Variants in HCN1 observed in about 807,000 individuals in gnomAD.
HCN1 encodes potassium/sodium hyperpolarization-activated cyclic nucleotide-gated channel 1.
A neutral mutation model predicts 78.9 loss-of-function variants in HCN1; 13 were observed. The ratio of observed to expected loss-of-function variants is 0.16; its 90% confidence interval spans 0.11 to 0.26. The LOEUF (loss-of-function observed/expected upper bound fraction) is 0.26. Among genes scored for constraint, HCN1 ranks in the 10% least tolerant of loss-of-function variants. The pLI, the probability that HCN1 is intolerant of heterozygous loss-of-function variation, is 1.00. For missense variants in HCN1, 810 were observed against 1,154.3 expected (o/e 0.70, Z 4.32); for synonymous variants, 552 against 455.5 (o/e 1.21, Z -2.70).
chr5:45,571,123 T>G (rs562451207), intron 2 of HCN1, among the ~76,000 whole-genome samples: 1 of 152,246 alleles, frequency 6.6e-6, no homozygotes, highest in African/African-American at 2.4e-5. Flanking sequence ...TCTTTTTGGT[T>G]CCTCTAGCAG....
intron 5 of HCN1, among the ~76,000 whole-genome samples, chr5:45,323,386 A>T (rs935107911): frequency 2.4e-4 from 37 of 151,884 alleles, no homozygotes; most frequent in Admixed American, 1.3e-3. Context: ...AATTTAAATT[A>T]TATAATTCCT....
At chr5:45,610,622 T>A (rs1744814224) in intron 2 of HCN1, among the ~76,000 whole-genome samples, 1 of 150,442 alleles carries the variant, frequency 6.6e-6, no homozygotes, top group Admixed American at 6.6e-5. Flanking sequence ...TGAAATATTT[T>A]TCTTAATTAT....
At chr5:45,600,485 T>C (rs2111963062) in intron 2 of HCN1, among the ~76,000 whole-genome samples, 1 of 152,284 alleles carries the variant, frequency 6.6e-6, no homozygotes, top group South Asian at 2.1e-4. Context: ...CTTCAGAACC[T>C]GTGAAAATAT....
chr5:45,686,191 C>T (rs970549178), intron 1 of HCN1, among the ~76,000 whole-genome samples: 3 of 151,098 alleles, frequency 2.0e-5, no homozygotes, highest in African/African-American at 7.3e-5. Context: ...GATTCTGACC[C>T]AAACAGTTCC....
intron 5 of HCN1, among the ~76,000 whole-genome samples, chr5:45,326,218 A>G (rs997891787): frequency 2.6e-5 from 4 of 151,682 alleles, no homozygotes; most frequent in Non-Finnish European, 4.4e-5. Flanking sequence ...TACACCTACT[A>G]CATACCCACA....
intron 4 of HCN1, among the ~76,000 whole-genome samples, chr5:45,356,286 A>T (rs1052521806): frequency 1.3e-5 from 2 of 151,992 alleles, no homozygotes; most frequent in Non-Finnish European, 2.9e-5. Flanking sequence ...TAAGATCAAA[A>T]GTTTATTCCA....
chr5:45,300,347 C>T (rs969797786), intron 6 of HCN1, among the ~76,000 whole-genome samples: 9 of 151,906 alleles, frequency 5.9e-5, no homozygotes, highest in Non-Finnish European at 1.0e-4. Flanking sequence ...TTTTCTTCTG[C>T]CTCTGCCACC....
intron 1 of HCN1, among the ~76,000 whole-genome samples, chr5:45,674,281 G>T (rs184660135): frequency 1.4e-4 from 21 of 151,456 alleles, no homozygotes; most frequent in Non-Finnish European, 2.7e-4. Flanking sequence ...ACAATTTTAT[G>T]AGGAGAACTT....
intron 4 of HCN1, among the ~76,000 whole-genome samples, chr5:45,357,810 G>A (rs1022674490): frequency 5.3e-5 from 8 of 151,980 alleles, no homozygotes; most frequent in Admixed American, 1.3e-4. Context: ...TTGTAGGTGG[G>A]ACCTATTGGA....
intron 2 of HCN1, among the ~76,000 whole-genome samples, chr5:45,578,610 G>A (rs1265785075): frequency 6.6e-6 from 1 of 151,910 alleles, no homozygotes; most frequent in Admixed American, 6.6e-5. Context: ...ACAGTACGGA[G>A]CATTCACTTT....
rs1392176408 is a variant in HCN1 at position 45,262,260 on chromosome 5, G to A, written c.2334C>T (p.Asn778=). The change falls in exon 8 of 8, where the codon AAC becomes AAT. Residue 778 remains asparagine, a synonymous_variant. Transcript: ENST00000303230. ...AGAGTGGCCTGACTTCCCGGGTCAGGTTGGTGTTGTGAAGCGCCTGCGTGC... is the reference window on the plus strand; with the variant it reads ...AGAGTGGCCTGACTTCCCGGGTCAGATTGGTGTTGTGAAGCGCCTGCGTGC... ...HKSTQALHNT[N]LTREVRPLSA... 6 of 1,614,028 alleles carry A rather than the reference G, an allele frequency of 3.7e-6. No homozygotes were observed. The highest frequency in any genetic ancestry group is 1.7e-6 in the Non-Finnish European group (2 of 1,180,042).
chr5:45,572,104 T>C (rs1421083649), intron 2 of HCN1, among the ~76,000 whole-genome samples: 1 of 152,176 alleles, frequency 6.6e-6, no homozygotes. Context: ...CATTCATTTG[T>C]ACACATTATA....
intron 2 of HCN1, among the ~76,000 whole-genome samples, chr5:45,506,889 A>G (rs1742312837): frequency 6.6e-6 from 1 of 152,188 alleles, no homozygotes; most frequent in Non-Finnish European, 1.5e-5. Context: ...TATAACAAAA[A>G]TGTTATGCAT....
chr5:45,683,254 G>A (rs544496804), intron 1 of HCN1, among the ~76,000 whole-genome samples: 1 of 151,694 alleles, frequency 6.6e-6, no homozygotes, highest in African/African-American at 2.4e-5. Flanking sequence ...CCAAATTAGG[G>A]TATATAGCTT....
intron 2 of HCN1, among the ~76,000 whole-genome samples, chr5:45,507,812 G>A (rs1000665499): frequency 8.5e-5 from 13 of 152,048 alleles, no homozygotes; most frequent in Non-Finnish European, 1.3e-4. Flanking sequence ...AAAATCTGCA[G>A]TAATTCCTTA....
chr5:45,272,377 T>C (rs1260870516), intron 6 of HCN1, among the ~76,000 whole-genome samples: 1 of 152,100 alleles, frequency 6.6e-6, no homozygotes, highest in African/African-American at 2.4e-5. Context: ...TTTATCACTA[T>C]TTCATTTTAT....
At chr5:45,659,467 G>A (rs967728643) in intron 1 of HCN1, among the ~76,000 whole-genome samples, 6 of 108,628 alleles carry the variant, frequency 5.5e-5, no homozygotes, top group Non-Finnish European at 1.1e-4. Context: ...TGATTTTGAC[G>A]AGCTGAGAGA....
intron 4 of HCN1, among the ~76,000 whole-genome samples, chr5:45,370,195 CTT>C (rs1407712909): frequency 6.6e-6 from 1 of 151,806 alleles, no homozygotes; most frequent in African/African-American, 2.4e-5. Context: ...ATAGACATAA[CTT>C]TATATAAAAC....
intron 3 of HCN1, among the ~76,000 whole-genome samples, chr5:45,452,981 C>A (rs1227871891): frequency 6.6e-6 from 1 of 151,954 alleles, no homozygotes; most frequent in Non-Finnish European, 1.5e-5. Flanking sequence ...TGTCATATAT[C>A]TCTAGAGTAG....
Sources: gnomAD v4.1 joint callset for allele counts (sites outside exome capture counted in the v4.1 genomes callset) on GRCh38, gnomAD v4.1.1 for gene constraint, MANE v1.5 for transcripts, NCBI Gene and HGNC (gene_info 2026-07-23, HGNC 2026-07-21) for gene names.